The following CLXN variants were observed in gnomAD, a reference collection of about 807,000 sequenced individuals.
CLXN encodes calaxin.
the CLXN span, among the ~76,000 whole-genome samples, chr8:48,721,325 AG>A: frequency 1.3e-5 from 2 of 152,202 alleles, no homozygotes; most frequent in Non-Finnish European, 2.9e-5. Flanking sequence ...GACCAATAAA[AG>A]GGCATCTCAT....
chr8:48,719,307 C>A, the CLXN span, among the ~76,000 whole-genome samples: 2 of 152,130 alleles, frequency 1.3e-5, no homozygotes, highest in Non-Finnish European at 1.5e-5. Context: ...AGGTCCAGAC[C>A]AGGTGGCTTT....
chr8:48,714,990 T>C, the CLXN span: 8 of 152,200 alleles, frequency 5.3e-5, no homozygotes, highest in African/African-American at 1.9e-4. Flanking sequence ...CAAGTCAAGC[T>C]ACAGACAAAT....
the CLXN span, among the ~76,000 whole-genome samples, chr8:48,720,828 T>C: frequency 6.6e-6 from 1 of 152,202 alleles, no homozygotes; most frequent in Non-Finnish European, 1.5e-5. Flanking sequence ...ATCATGGTCC[T>C]ACCAATATGT....
the CLXN span, chr8:48,731,211 A>G: frequency 5.7e-6 from 5 of 872,518 alleles, no homozygotes; most frequent in Non-Finnish European, 7.9e-6. Flanking sequence ...GATCTTCTCA[A>G]AATTAAATTT....
At chr8:48,726,324 C>T in the CLXN span, among the ~76,000 whole-genome samples, 1 of 149,672 alleles carries the variant, frequency 6.7e-6, no homozygotes, top group African/African-American at 2.5e-5. Flanking sequence ...CCTACACAGC[C>T]ATTCACCTCA....
chr8:48,729,080 G>A, the CLXN span: 287 of 1,613,378 alleles, frequency 1.8e-4, no homozygotes, highest in Non-Finnish European at 2.3e-4. Context: ...GCCTCCAGTA[G>A]AAGAGTCTCT....
the CLXN span, among the ~76,000 whole-genome samples, chr8:48,717,416 A>C: frequency 6.6e-6 from 1 of 152,312 alleles, no homozygotes; most frequent in East Asian, 1.9e-4. Flanking sequence ...AAACCCTGCC[A>C]ATCAAGAATA....
chr8:48,729,140 C>A, the CLXN span: 1 of 1,611,638 alleles, frequency 6.2e-7, no homozygotes, highest in South Asian at 1.1e-5. Flanking sequence ...CCATCATGGT[C>A]ATGATCCTAG....
the CLXN span, chr8:48,730,449 A>G: frequency 1.3e-6 from 1 of 746,248 alleles, no homozygotes. Flanking sequence ...CAACAAACCC[A>G]CTTTACTGTC....
the CLXN span, among the ~76,000 whole-genome samples, chr8:48,726,974 C>A: frequency 2.0e-5 from 3 of 150,932 alleles, no homozygotes; most frequent in East Asian, 5.9e-4. Context: ...CTTCACCTAT[C>A]CACCCACCTC....
At chr8:48,728,282 C>T in the CLXN span, among the ~76,000 whole-genome samples, 1 of 152,084 alleles carries the variant, frequency 6.6e-6, no homozygotes, top group Middle Eastern at 3.4e-3. Flanking sequence ...CTCTTTCTTT[C>T]TCTCTCTCTA....
the CLXN span, chr8:48,724,933 A>C: frequency 6.8e-5 from 42 of 617,054 alleles, no homozygotes; most frequent in Non-Finnish European, 1.1e-4. Flanking sequence ...TCTGGTGTTC[A>C]AGCGTTTCAC....
At chr8:48,726,112 C>CTCCATCCA in the CLXN span, among the ~76,000 whole-genome samples, 70 of 111,600 alleles carry the variant, frequency 6.3e-4, no homozygotes, top group East Asian at 3.5e-3. Flanking sequence ...TACCCACCCA[C>CTCCATCCA]TCCATCCATC....
At chr8:48,724,342 A>T in the CLXN span, 1 of 155,926 alleles carries the variant, frequency 6.4e-6, no homozygotes. Context: ...TTTGTTTCAA[A>T]GGAAATCCAG....
At chr8:48,735,222 C>A in the CLXN span, 2 of 1,551,390 alleles carry the variant, frequency 1.3e-6, no homozygotes, top group Non-Finnish European at 1.8e-6. Context: ...CTCGCGGGAC[C>A]CCCGCGAGCC....
the CLXN span, among the ~76,000 whole-genome samples, chr8:48,733,281 A>C: frequency 0.011 from 1,626 of 152,244 alleles, 18 homozygotes; most frequent in Non-Finnish European, 0.012. Flanking sequence ...ATTTTTAAAA[A>C]CTAGTTTAAT....
At chr8:48,719,055 G>GA in the CLXN span, among the ~76,000 whole-genome samples, 16 of 142,930 alleles carry the variant, frequency 1.1e-4, no homozygotes, top group South Asian at 4.3e-4. Flanking sequence ...GTCAGACTAA[G>GA]AAAAAAAAAA....
At chr8:48,717,934 A>G in the CLXN span, among the ~76,000 whole-genome samples, 1 of 152,216 alleles carries the variant, frequency 6.6e-6, no homozygotes, top group Non-Finnish European at 1.5e-5. Flanking sequence ...AAGAGAAAAC[A>G]ACTGCCAAAC....
chr8:48,734,971 G>A, the CLXN span: 1 of 1,107,354 alleles, frequency 9.0e-7, no homozygotes, highest in Non-Finnish European at 1.3e-6. Flanking sequence ...GGGTGGAGGG[G>A]CGGTAGGTAG....
Sources: gnomAD v4.1 joint callset for allele counts (sites outside exome capture counted in the v4.1 genomes callset) on GRCh38, gnomAD v4.1.1 for gene constraint, MANE v1.5 for transcripts, NCBI Gene and HGNC (gene_info 2026-07-23, HGNC 2026-07-21) for gene names.